NIPBL: variants seen among roughly 807,000 people sequenced by gnomAD.
NIPBL encodes nipped-B-like protein.
In NIPBL, 19 loss-of-function variants were observed where a neutral mutation model predicts 321.8. The observed-to-expected ratio is 0.06, with a 90% CI of 0.04 to 0.09. The LOEUF (loss-of-function observed/expected upper bound fraction) is 0.09, where lower values mean the gene tolerates loss of function less well. Ranked by LOEUF, NIPBL falls within the 10% of genes least tolerant of loss-of-function variation. The pLI, the probability that NIPBL is intolerant of heterozygous loss-of-function variation, is 1.00. For missense variants in NIPBL, 2,210 were observed against 3,327.0 expected, an observed-to-expected ratio of 0.66 and a Z score of 8.26; for synonymous variants, 1,106 against 1,114.1, an observed-to-expected ratio of 0.99 and a Z score of 0.14.
Position 36,942,142 on chromosome 5 carries a change from A to G in NIPBL, c.-79-11476A>G, listed in dbSNP as rs949507961. ...GTCTAAGTTGACTTTTTAAAAATTT[A>G]TTTTCCCTGGCCAGGTGCAGTGGCT... is the stretch of plus-strand genomic sequence containing the variant. On this transcript the variant is annotated intron_variant, in intron 1 of 46. Coordinates refer to ENST00000282516, the MANE Select transcript of NIPBL (RefSeq NM_133433.4). Among the ~76,000 whole-genome samples the G allele has an allele frequency of 3.3e-5, 5 of 152,128 alleles. No individual in the cohort carries two copies. The South Asian group carries it at 8.3e-4, about 25-fold the overall frequency.
Position 37,065,772 on chromosome 5 carries a change from AAC to A in NIPBL, c.*884_*885del, listed in dbSNP as rs1255993797. 6.6e-6 allele frequency: 1 copy of A among 152,604 alleles called. No homozygotes were observed. The highest frequency in any genetic ancestry group is 1.5e-5 in the Non-Finnish European group (1 of 68,014). 9.5% of individuals were successfully genotyped at this position (152,604 alleles called of 1,614,324 possible). On this transcript the variant is annotated 3_prime_UTR_variant, in exon 47 of 47. Transcript: ENST00000282516. Reference sequence around the variant, plus strand: ...CTATATATGATTTAGCACTGTGCCAAACACATTTTCAAGAGTACATTTTGATA... The same window carrying A: ...CTATATATGATTTAGCACTGTGCCAAACATTTTCAAGAGTACATTTTGATA...
At chr5:37,064,158 A>C in intron 46 of NIPBL, 180 bp downstream of exon 46, 3 of 1,424,764 alleles carry the variant, frequency 2.1e-6, no homozygotes, top group Non-Finnish European at 2.8e-6. Context: ...AAAGTTTAAC[A>C]TAAAAGACAA....
intron 32 of NIPBL, among the ~76,000 whole-genome samples, chr5:37,029,837 G>A (rs184411562): frequency 6.6e-6 from 1 of 152,168 alleles, no homozygotes; most frequent in African/African-American, 2.4e-5. Flanking sequence ...ATCTTAGACT[G>A]TCTTCTTAAA....
intron 1 of NIPBL, among the ~76,000 whole-genome samples, chr5:36,884,806 G>T (rs900239760): frequency 6.6e-6 from 1 of 152,166 alleles, no homozygotes; most frequent in South Asian, 2.1e-4. Flanking sequence ...TTCTTAGGTA[G>T]AGCTGTGTCC....
rs181417130 is a variant in NIPBL at position 37,020,911 on chromosome 5, T to G, written c.5328+34T>G. 8.0e-6 allele frequency: 11 copies of G among 1,383,560 alleles called. No homozygotes were observed. In the African/African-American group the frequency reaches 1.3e-4, roughly 16 times the overall value. 85.7% of individuals were successfully genotyped at this position (1,383,560 alleles called of 1,614,324 possible). ...GATAAGAATTCCTTATACAGTGATATTGATTTTTCTGATTCTGGATGCTTG... is the reference window on the plus strand; with the variant it reads ...GATAAGAATTCCTTATACAGTGATAGTGATTTTTCTGATTCTGGATGCTTG... On this transcript the variant is annotated intron_variant, in intron 27 of 46. Coordinates refer to ENST00000282516, the MANE Select transcript of NIPBL (RefSeq NM_133433.4).
At chr5:37,035,634 G>A (rs1325664991) in intron 32 of NIPBL, among the ~76,000 whole-genome samples, 5 of 152,108 alleles carry the variant, frequency 3.3e-5, no homozygotes, top group Non-Finnish European at 7.4e-5. Context: ...TGTGACTCTT[G>A]GAAACCATAT....
intron 8 of NIPBL, among the ~76,000 whole-genome samples, chr5:36,972,591 C>T (rs1017140134): frequency 3.3e-5 from 5 of 152,108 alleles, no homozygotes; most frequent in African/African-American, 1.2e-4. Context: ...CAATCTTTGG[C>T]TCCAGTCTTG....
intron 44 of NIPBL, among the ~76,000 whole-genome samples, chr5:37,060,364 G>T (rs1378035451): frequency 6.6e-6 from 1 of 152,070 alleles, no homozygotes; most frequent in Non-Finnish European, 1.5e-5. Context: ...ATGTCTAGTT[G>T]TGTTGCTCAT....
intron 1 of NIPBL, among the ~76,000 whole-genome samples, chr5:36,880,906 A>T (rs1032710899): frequency 1.3e-5 from 2 of 152,030 alleles, no homozygotes; most frequent in African/African-American, 2.4e-5. Flanking sequence ...ATTTGTGTAG[A>T]TTCATGTAGT....
At chr5:36,885,297 G>C in intron 1 of NIPBL, 1 of 500,230 alleles carries the variant, frequency 2.0e-6, no homozygotes, top group Non-Finnish European at 4.0e-6. Flanking sequence ...CTGGTCAGCA[G>C]TGCAGCCAGC....
At chr5:36,909,576 C>T (rs1180899473) in intron 1 of NIPBL, among the ~76,000 whole-genome samples, 2 of 151,854 alleles carry the variant, frequency 1.3e-5, no homozygotes, top group Admixed American at 6.6e-5. Context: ...TGTTCATTTG[C>T]AGTATTATTG....
chr5:36,944,797 G>T lies in NIPBL; in HGVS notation c.-79-8821G>T, dbSNP rs527939736. On this transcript the variant is annotated intron_variant, in intron 1 of 46. Coordinates refer to ENST00000282516, the MANE Select transcript of NIPBL (RefSeq NM_133433.4). ...TCACTTATTTACATAAGTTGAAAGT[G>T]TGCCCTCTTGTGGACTATTCAGTAA... Among the ~76,000 whole-genome samples, 18 of 151,888 alleles carry T rather than the reference G, an allele frequency of 1.2e-4. No homozygotes were observed. In the South Asian group the frequency reaches 1.2e-3, roughly 10 times the overall value.
intron 16 of NIPBL, among the ~76,000 whole-genome samples, chr5:37,004,149 C>T (rs1417863399): frequency 6.6e-6 from 1 of 152,148 alleles, no homozygotes; most frequent in Non-Finnish European, 1.5e-5. Context: ...ACTTTAACTT[C>T]TCAGTAAATG....
intron 10 of NIPBL, among the ~76,000 whole-genome samples, chr5:36,993,508 A>G (rs548777183): frequency 2.6e-5 from 4 of 152,340 alleles, no homozygotes; most frequent in African/African-American, 9.6e-5. Flanking sequence ...CTCTGGGAAC[A>G]TAATCCATTG....
At chr5:37,057,418 T>G in intron 43 of NIPBL, 86 bp downstream of exon 43, 1 of 1,301,576 alleles carries the variant, frequency 7.7e-7, no homozygotes, top group South Asian at 1.2e-5. Context: ...TTATTCTTTT[T>G]ATCCTCTTCA....
At chr5:36,981,492 GGCAACT>G (rs947893198) in intron 9 of NIPBL, among the ~76,000 whole-genome samples, 1 of 151,604 alleles carries the variant, frequency 6.6e-6, no homozygotes, top group African/African-American at 2.4e-5. Flanking sequence ...ACGTTGATAA[GGCAACT>G]TTGTAACCTA....
chr5:37,046,930 A>G (rs981421574), intron 38 of NIPBL, among the ~76,000 whole-genome samples: 8 of 152,154 alleles, frequency 5.3e-5, no homozygotes, highest in African/African-American at 1.7e-4. Context: ...TTCCATATCC[A>G]TGGGTTTCAC....
intron 1 of NIPBL, among the ~76,000 whole-genome samples, chr5:36,895,810 G>T (rs916014947): frequency 6.6e-6 from 1 of 152,044 alleles, no homozygotes; most frequent in African/African-American, 2.4e-5. Context: ...TGGGTTATCT[G>T]CCTTTTTATT....
chr5:37,052,485 C>T lies in NIPBL; in HGVS notation c.7182C>T (p.His2394=). ...AGTCCTCTAGCGCTTTGTGTTCACA[C>T]CTTTACTCCATGATCCGTGGAAACC... ...QDESSSALCS[H]LYSMIRGNRQ... The change falls in exon 42 of 47, where the codon CAC becomes CAT. Residue 2394 remains histidine, a synonymous_variant. Transcript: ENST00000282516. 6.2e-7 allele frequency: 1 copy of T among 1,614,090 alleles called. No individual in the cohort carries two copies. The highest frequency in any genetic ancestry group is 8.5e-7 in the Non-Finnish European group (1 of 1,179,996).
Sources: gnomAD v4.1 joint callset for allele counts (sites outside exome capture counted in the v4.1 genomes callset) on GRCh38, gnomAD v4.1.1 for gene constraint, MANE v1.5 for transcripts, NCBI Gene and HGNC (gene_info 2026-07-23, HGNC 2026-07-21) for gene names.